C3orf22: variants seen among roughly 807,000 people sequenced by gnomAD.
C3orf22 encodes the protein uncharacterized protein C3orf22.
A neutral mutation model predicts 10.8 loss-of-function variants in C3orf22; 7 were observed. That is an observed-to-expected ratio of 0.65 (90% confidence interval 0.37 to 1.22). C3orf22 has a LOEUF of 1.22. Among genes scored for constraint, C3orf22 ranks in the 50% most tolerant of loss-of-function variants. C3orf22 has a pLI of 0.02. For synonymous variants in C3orf22, 79 were observed against 78.9 expected (o/e 1.00, Z 0.00); for missense variants, 173 against 177.0 (o/e 0.98, Z 0.13).
Position 126,534,635 on chromosome 3 carries a change from T to C in C3orf22, c.287-5263A>G, listed in dbSNP as rs371777482. On this transcript the variant is annotated intron_variant and NMD_transcript_variant, in intron 4 of 5. Transcript: ENST00000505070. ...GACAGACACACAGACAGCATCCCTG[T>C]CCTCAGCCGGGAGACAGATAGACAG... Among the ~76,000 whole-genome samples, 44 of 149,768 alleles carry C rather than the reference T, an allele frequency of 2.9e-4. 1 individual carries two copies. The South Asian group carries it at 8.9e-3, about 30-fold the overall frequency.
chr3:126,543,748 G>A (rs1044297538), intron 4 of C3orf22, among the ~76,000 whole-genome samples: 1 of 152,028 alleles, frequency 6.6e-6, no homozygotes, highest in Non-Finnish European at 1.5e-5. Context: ...GAGGAATTGT[G>A]TGTATGTGTA....
intron 4 of C3orf22, among the ~76,000 whole-genome samples, chr3:126,540,029 GCACACCA>G (rs1054436908): frequency 1.1e-4 from 13 of 123,696 alleles, no homozygotes; most frequent in African/African-American, 3.3e-4. Context: ...CCACACACAC[GCACACCA>G]CACACCACAC....
chr3:126,552,609 C>T (rs1457238073), intron 2 of C3orf22, among the ~76,000 whole-genome samples: 1 of 152,216 alleles, frequency 6.6e-6, no homozygotes, highest in African/African-American at 2.4e-5. Context: ...ATCGTCCCCA[C>T]CTCCCTCGAG....
intron 3 of C3orf22, 45 bp from the exon 4 acceptor site, chr3:126,550,123 CT>C: frequency 3.7e-6 from 6 of 1,604,098 alleles, no homozygotes; most frequent in Non-Finnish European, 5.1e-6. Context: ...AGGACCCCTG[CT>C]GGCTGCAGCC....
chr3:126,552,850 A>G (rs35500716), intron 2 of C3orf22, among the ~76,000 whole-genome samples: 4,898 of 152,296 alleles, frequency 0.032, 127 homozygotes, highest in Middle Eastern at 0.082. Context: ...TTTCCCTTGC[A>G]TTTGTTTTGC....
intron 4 of C3orf22, chr3:126,542,210 G>T: frequency 6.9e-7 from 1 of 1,454,566 alleles, no homozygotes. Context: ...CCGGGCCCGC[G>T]GCCACGACGT....
At chr3:126,539,395 G>C (rs770647078) in intron 4 of C3orf22, among the ~76,000 whole-genome samples, 6 of 151,908 alleles carry the variant, frequency 3.9e-5, no homozygotes, top group Non-Finnish European at 5.9e-5. Flanking sequence ...AGTTTGAAAG[G>C]CATCAGGAGC....
intron 4 of C3orf22, chr3:126,536,280 A>G (rs1250387918): frequency 1.2e-6 from 2 of 1,613,878 alleles, no homozygotes; most frequent in Non-Finnish European, 1.7e-6. Context: ...GCATTTGGAA[A>G]CAGAGCCCTG....
intron 1 of C3orf22, among the ~76,000 whole-genome samples, chr3:126,555,687 T>C (rs1447412740): frequency 6.6e-6 from 1 of 151,976 alleles, no homozygotes; most frequent in Admixed American, 6.5e-5. Context: ...CATGGAAAAA[T>C]TGTTTTCCAT....
intron 1 of C3orf22, among the ~76,000 whole-genome samples, chr3:126,555,639 T>G (rs1000915339): frequency 3.3e-5 from 5 of 152,138 alleles, no homozygotes; most frequent in African/African-American, 7.2e-5. Context: ...TGGAACAGTT[T>G]CATCCCCAAA....
At chr3:126,536,312 G>C in intron 4 of C3orf22, 1 of 1,614,070 alleles carries the variant, frequency 6.2e-7, no homozygotes, top group Non-Finnish European at 8.5e-7. Flanking sequence ...GCTTGGTGGG[G>C]AGAAGAGAAG....
Position 126,549,751 on chromosome 3 carries a change from C to A in C3orf22, c.*117G>T, listed in dbSNP as rs1464655273. On this transcript the variant is annotated 3_prime_UTR_variant, in exon 4 of 4. Coordinates refer to ENST00000318225, the MANE Select transcript of C3orf22 (RefSeq NM_152533.3). The stretch of plus-strand genomic sequence containing the variant: ...AGCTTTTTGGGGGGACCACAAACCA[C>A]TCCCGGTCTATGATGGCCATGAAGG... 3 of 1,507,112 alleles carry A rather than the reference C, an allele frequency of 2.0e-6. No individual in the cohort carries two copies. Among genetic ancestry groups the A allele is most frequent in the Non-Finnish European group, 2.7e-6 (3 of 1,128,114 alleles). The allele number at this position is 1,507,112 out of a possible 1,614,324, so 93.4% of individuals were successfully genotyped here. A position where few individuals can be genotyped will look rare whatever the true frequency, so the allele number is the denominator to read the frequency against.
chr3:126,548,627 C>A (rs1937109791), downstream of C3orf22, among the ~76,000 whole-genome samples: 1 of 152,214 alleles, frequency 6.6e-6, no homozygotes, highest in African/African-American at 2.4e-5. Context: ...TATCCCCAGG[C>A]AAATGCTGTG....
chr3:126,542,579 C>T (rs201021354), intron 4 of C3orf22: 4 of 1,482,076 alleles, frequency 2.7e-6, no homozygotes, highest in Admixed American at 5.1e-5. Context: ...GCTGCTCTAG[C>T]GGTCCTGGAG....
intron 4 of C3orf22, chr3:126,536,250 T>C: frequency 6.2e-7 from 1 of 1,610,758 alleles, no homozygotes; most frequent in South Asian, 1.1e-5. Context: ...GGTGGCGACA[T>C]CTCTCTCCTT....
intron 4 of C3orf22, among the ~76,000 whole-genome samples, chr3:126,531,510 T>C (rs1936659904): frequency 6.6e-6 from 1 of 152,276 alleles, no homozygotes; most frequent in Non-Finnish European, 1.5e-5. Context: ...AATGTTCTTA[T>C]GAACTCTTAC....
At chr3:126,555,891 C>A (rs1439222007) in intron 1 of C3orf22, among the ~76,000 whole-genome samples, 1 of 152,208 alleles carries the variant, frequency 6.6e-6, no homozygotes, top group Admixed American at 6.5e-5. Flanking sequence ...ATGGACAGGG[C>A]CATGTAGTGT....
chr3:126,550,032 G>C lies in C3orf22; in HGVS notation c.262C>G (p.Pro88Ala). 1 of 1,614,014 alleles carries C rather than the reference G, an allele frequency of 6.2e-7. No homozygotes were observed. The highest frequency in any genetic ancestry group is 1.1e-5 in the South Asian group (1 of 91,082). ...FTSPSGSCPAPLPAPSPPPLC... is the reference protein window; with the variant it reads ...FTSPSGSCPAALPAPSPPPLC... ...GGAGGTGGTGATGGTGCTGGTAGTG[G>C]TGCCGGGCAGGAGCCAGACGGTGAT... is the stretch of plus-strand genomic sequence containing the variant. The change falls in exon 4 of 4, where the codon CCA becomes GCA. Residue 88 changes from proline to alanine, a missense_variant. Coordinates refer to ENST00000318225, the MANE Select transcript of C3orf22 (RefSeq NM_152533.3).
chr3:126,549,515 G>T, downstream of C3orf22: 1 of 611,796 alleles, frequency 1.6e-6, no homozygotes, highest in Non-Finnish European at 2.7e-6. Flanking sequence ...CAGCAGCACT[G>T]GAGTGAACAG....
Sources: gnomAD v4.1 joint callset for allele counts (sites outside exome capture counted in the v4.1 genomes callset) on GRCh38, gnomAD v4.1.1 for gene constraint, MANE v1.5 for transcripts, NCBI Gene and HGNC (gene_info 2026-07-23, HGNC 2026-07-21) for gene names.